URB2: variants seen among roughly 807,000 people sequenced by gnomAD.
URB2 encodes the protein URB2 ribosome biogenesis homolog.
In URB2, 86 loss-of-function variants were observed where a neutral mutation model predicts 120.9. The ratio of observed to expected loss-of-function variants is 0.71; its 90% CI spans 0.60 to 0.85. The LOEUF (loss-of-function observed/expected upper bound fraction) is 0.85, where lower values mean the gene tolerates loss of function less well. Among genes scored for constraint, URB2 ranks in the 40% least tolerant of loss-of-function variants. The pLI is 0.00. For missense variants in URB2, 1,765 were observed against 1,836.5 expected (o/e 0.96, Z 0.71); for synonymous variants, 755 against 758.4 (o/e 1.00, Z 0.07).
chr1:229,656,142 C>T (rs936386918), intron 9 of URB2, among the ~76,000 whole-genome samples: 14 of 152,176 alleles, frequency 9.2e-5, no homozygotes, highest in African/African-American at 2.9e-4. Context: ...GGTTTCATTG[C>T]AGTTATTTGG....
intron 4 of URB2, among the ~76,000 whole-genome samples, chr1:229,643,044 A>G (rs1373053538): frequency 6.6e-6 from 1 of 152,230 alleles, no homozygotes; most frequent in Non-Finnish European, 1.5e-5. Flanking sequence ...GAAAATAACA[A>G]GGAAGGGAAA....
Position 229,636,070 on chromosome 1 carries a change from G to A in URB2, c.1457G>A (p.Arg486Lys). ...TGTCGTCCAGCTGCTGAGGCACTGAGGCAGCCTGTGCTGGCCTCGGGCCCC... is the reference window on the plus strand; with the variant it reads ...TGTCGTCCAGCTGCTGAGGCACTGAAGCAGCCTGTGCTGGCCTCGGGCCCC... The part of the protein sequence containing the change: ...VICRPAAEAL[R>K]QPVLASGPST... Residue 486 changes from arginine to lysine, a missense_variant, in exon 4 of 10, where the codon AGG (arginine) becomes AAG (lysine). By Grantham distance (26) the Arg-to-Lys change is conservative (BLOSUM62 2). Transcript: ENST00000258243. The A allele has an allele frequency of 1.2e-6, 2 of 1,614,246 alleles. No homozygotes were observed. The highest frequency in any genetic ancestry group is 1.7e-6 in the Non-Finnish European group (2 of 1,180,048).
intron 9 of URB2, among the ~76,000 whole-genome samples, chr1:229,657,861 G>A (rs1006376673): frequency 6.6e-6 from 1 of 152,190 alleles, no homozygotes; most frequent in African/African-American, 2.4e-5. Flanking sequence ...GGTTGCCTTC[G>A]TGAATCAGTT....
intron 9 of URB2, among the ~76,000 whole-genome samples, chr1:229,657,066 C>G (rs1666422833): frequency 6.6e-6 from 1 of 152,128 alleles, no homozygotes; most frequent in Non-Finnish European, 1.5e-5. Context: ...GTTGTTAATT[C>G]AAAAAATGTC....
chr1:229,655,525 C>T (rs1261220845), intron 9 of URB2, among the ~76,000 whole-genome samples: 8 of 152,172 alleles, frequency 5.3e-5, no homozygotes, highest in South Asian at 2.1e-4. Flanking sequence ...TGAGCCACCG[C>T]GCCCAGCCAT....
At chr1:229,641,340 T>G (rs1245987585) in intron 4 of URB2, among the ~76,000 whole-genome samples, 1 of 152,008 alleles carries the variant, frequency 6.6e-6, no homozygotes, top group African/African-American at 2.4e-5. Flanking sequence ...AAGTCCTAAG[T>G]GTATGTCCCT....
At position 229,658,948 on chromosome 1, in the gene URB2, A is replaced by C. The variant is rs1276417577; in HGVS notation, c.4378-152A>C. The C allele has an allele frequency of 1.7e-5, 12 of 726,996 alleles. No individual in the cohort carries two copies. In the African/African-American group the frequency reaches 2.1e-4, roughly 13 times the overall value. 45.0% of individuals were successfully genotyped at this position (726,996 alleles called of 1,614,324 possible). On this transcript the variant is annotated intron_variant, in intron 9 of 9. Transcript: ENST00000258243. The stretch of plus-strand genomic sequence containing the variant: ...TATTTAAAGGTTTGACTTAGTAATA[A>C]AATTATATTTTAAAAGTGAATGTCG...
In URB2 at chr1:229,635,948, CA is replaced by C; in HGVS notation, c.1341del (p.Ala448ProfsTer29). 1 of 1,614,094 alleles carries C rather than the reference CA, an allele frequency of 6.2e-7. No individual in the cohort carries two copies. Among genetic ancestry groups the C allele is most frequent in the Non-Finnish European group, 8.5e-7 (1 of 1,180,016 alleles). On this transcript the variant is annotated frameshift_variant, in exon 4 of 10. Coordinates refer to ENST00000258243, the MANE Select transcript of URB2 (RefSeq NM_014777.4). LOFTEE classifies it high-confidence loss of function. The stretch of plus-strand genomic sequence containing the variant: ...ATGCCGAGGTAACAGAGTTTCGAAC[CA>C]AAAAAGCCCAGGAGGCGCTTATTCG... ...IDAEVTEFRT[K>X]KAQEALIRTV...
intron 7 of URB2, among the ~76,000 whole-genome samples, chr1:229,650,583 G>A (rs543121968): frequency 3.3e-4 from 50 of 152,098 alleles, no homozygotes; most frequent in African/African-American, 1.1e-3. Flanking sequence ...GGCATCCGGC[G>A]CCATGCTTGG....
intron 3 of URB2, among the ~76,000 whole-genome samples, chr1:229,634,493 CTG>C (rs1462530343): frequency 6.6e-6 from 1 of 152,206 alleles, no homozygotes; most frequent in Non-Finnish European, 1.5e-5. Flanking sequence ...GTGTGAGGCA[CTG>C]TGCCTGGCCT....
chr1:229,637,695 G>C lies in URB2; in HGVS notation c.3082G>C (p.Ala1028Pro). 2 of 1,614,214 alleles carry C rather than the reference G, an allele frequency of 1.2e-6. No homozygotes were observed. The highest frequency in any genetic ancestry group is 1.7e-6 in the Non-Finnish European group (2 of 1,180,040). The stretch of plus-strand genomic sequence containing the variant: ...GGTGCTCAATTTTAGAAAAATCACC[G>C]CATTCCTCTCTAGTTCCAAACCATA... ...SLVLNFRKIT[A>P]FLSSSKPYTE... Residue 1028 changes from alanine to proline, a missense_variant, in exon 4 of 10, where the codon GCA becomes CCA. Transcript: ENST00000258243.
rs202053429 is a variant in URB2 at position 229,636,335 on chromosome 1, G to T, written c.1722G>T (p.Arg574Ser). The change falls in exon 4 of 10, where the codon AGG (arginine) becomes AGT (serine). Residue 574 changes from arginine (R) to serine (S), a missense_variant. Arg to Ser is a moderately radical substitution (Grantham distance 110). Transcript: ENST00000258243. ...IVRRTQCMMERMMRELVQPLL... is the reference protein window; with the variant it reads ...IVRRTQCMMESMMRELVQPLL... ...GACGGACACAGTGCATGATGGAGAG[G>T]ATGATGAGGGAGCTCGTGCAGCCCC... The T allele has an allele frequency of 4.2e-5, 68 of 1,614,126 alleles. No individual in the cohort carries two copies. Among genetic ancestry groups the T allele is most frequent in the Non-Finnish European group, 5.7e-5 (67 of 1,180,030 alleles).
At chr1:229,648,767 A>G (rs191874487) in intron 7 of URB2, among the ~76,000 whole-genome samples, 19 of 152,348 alleles carry the variant, frequency 1.2e-4, no homozygotes, top group African/African-American at 2.9e-4. Context: ...GTGGCTGACT[A>G]TGTATGTAGG....
At chr1:229,658,178 A>G (rs1558174572) in intron 9 of URB2, among the ~76,000 whole-genome samples, 1 of 152,168 alleles carries the variant, frequency 6.6e-6, no homozygotes, top group African/African-American at 2.4e-5. Context: ...TTTTAGTTTC[A>G]GTTACTAGGG....
intron 8 of URB2, among the ~76,000 whole-genome samples, chr1:229,653,044 AC>A (rs1666318775): frequency 6.6e-6 from 1 of 152,258 alleles, no homozygotes; most frequent in African/African-American, 2.4e-5. Flanking sequence ...GGCCGAAATA[AC>A]AAGTGCTATG....
chr1:229,627,667 C>T lies in URB2; in HGVS notation c.34C>T (p.Leu12Phe). Residue 12 changes from leucine to phenylalanine, a missense_variant, in exon 2 of 10, where the codon CTT becomes TTT. Leu to Phe is a conservative substitution (Grantham distance 22). Coordinates refer to ENST00000258243, the MANE Select transcript of URB2 (RefSeq NM_014777.4). ...AAVYSGISLK[L>F]KSKTTSWEDK... ...TGTTTATTCTGGCATTTCCCTTAAG[C>T]TTAAAAGCAAGACAACTTCCTGGGA... is the stretch of plus-strand genomic sequence containing the variant. 1 of 1,613,566 alleles carries T rather than the reference C, an allele frequency of 6.2e-7. No individual in the cohort carries two copies. Among genetic ancestry groups the T allele is most frequent in the Non-Finnish European group, 8.5e-7 (1 of 1,179,762 alleles).
At chr1:229,653,165 A>G (rs1666321818) in intron 8 of URB2, among the ~76,000 whole-genome samples, 1 of 152,238 alleles carries the variant, frequency 6.6e-6, no homozygotes, top group Admixed American at 6.5e-5. Context: ...TTGAAATGCT[A>G]CATGAATGTT....
At position 229,647,720 on chromosome 1, in the gene URB2, G is replaced by A. The variant is rs147241720; in HGVS notation, c.4117G>A (p.Val1373Met). 9.3e-6 allele frequency: 15 copies of A among 1,613,846 alleles called. No individual in the cohort carries two copies. Among genetic ancestry groups the A allele is most frequent in the African/African-American group, 5.3e-5 (4 of 74,920 alleles). ...YGSVFPRLHN[V>M]LFSILQCHPK... ...AAGCGTCTTCCCGAGGCTGCACAAC[G>A]TGCTCTTCTCAATCCTGCAGTGTCA... The change falls in exon 7 of 10, where the codon GTG (valine) becomes ATG (methionine). Residue 1373 changes from valine (V) to methionine (M), a missense_variant. Val to Met is a conservative substitution (Grantham distance 21, BLOSUM62 1). Coordinates refer to ENST00000258243, the MANE Select transcript of URB2 (RefSeq NM_014777.4).
chr1:229,641,974 C>T (rs1359581189), intron 4 of URB2, among the ~76,000 whole-genome samples: 2 of 152,178 alleles, frequency 1.3e-5, no homozygotes, highest in Non-Finnish European at 2.9e-5. Flanking sequence ...TGTGCCACTG[C>T]ACTCCAGCCT....
Sources: gnomAD v4.1 joint callset for allele counts (sites outside exome capture counted in the v4.1 genomes callset) on GRCh38, gnomAD v4.1.1 for gene constraint, MANE v1.5 for transcripts, NCBI Gene and HGNC (gene_info 2026-07-23, HGNC 2026-07-21) for gene names.